The following TMEM178A variants were observed in gnomAD, a reference collection of about 807,000 sequenced individuals.
The protein encoded by TMEM178A is transmembrane protein 178A, also known as transmembrane protein 178.
In TMEM178A, 12 loss-of-function variants were observed where a neutral mutation model predicts 29.1. The observed-to-expected ratio is 0.41, with a 90% CI of 0.26 to 0.67. TMEM178A has a LOEUF of 0.67. Among genes scored for constraint, TMEM178A ranks in the 30% least tolerant of loss-of-function variants. The pLI, the probability that TMEM178A is intolerant of heterozygous loss-of-function variation, is 0.29. For synonymous variants in TMEM178A, 210 were observed against 187.2 expected, an observed-to-expected ratio of 1.12 and a Z score of -0.99; for missense variants, 366 against 419.1, an observed-to-expected ratio of 0.87 and a Z score of 1.11.
chr2:39,675,275 A>G (rs773607735), intron 1 of TMEM178A, among the ~76,000 whole-genome samples: 1 of 152,156 alleles, frequency 6.6e-6, no homozygotes, highest in Non-Finnish European at 1.5e-5. Context: ...CAGTCCCCCA[A>G]AGTCATCTCT....
downstream of TMEM178A, among the ~76,000 whole-genome samples, chr2:39,719,245 T>C (rs1672653956): frequency 2.6e-5 from 4 of 152,222 alleles, no homozygotes; most frequent in South Asian, 8.3e-4. Context: ...AAGATCCCCA[T>C]AGAAGATGTC....
chr2:39,682,000 A>G (rs1480920994), intron 1 of TMEM178A, among the ~76,000 whole-genome samples: 1 of 152,212 alleles, frequency 6.6e-6, no homozygotes, highest in Admixed American at 6.5e-5. Context: ...CCTGTGGGAC[A>G]TTGGCAAGTC....
chr2:39,735,422 C>A, the TMEM178A span, among the ~76,000 whole-genome samples: 2 of 152,178 alleles, frequency 1.3e-5, no homozygotes, highest in African/African-American at 4.8e-5. Context: ...AAGCAGATAG[C>A]CCGCCTCATA....
chr2:39,681,978 C>G (rs1558447444), intron 1 of TMEM178A, among the ~76,000 whole-genome samples: 1 of 152,212 alleles, frequency 6.6e-6, no homozygotes. Context: ...CTGGCCTTGG[C>G]TCTTCCTGCT....
intron 1 of TMEM178A, among the ~76,000 whole-genome samples, chr2:39,690,928 T>G (rs1671290000): frequency 6.6e-6 from 1 of 152,186 alleles, no homozygotes; most frequent in Non-Finnish European, 1.5e-5. Flanking sequence ...CAGAAGATAC[T>G]GTGCTAAAGT....
intron 1 of TMEM178A, among the ~76,000 whole-genome samples, chr2:39,680,389 T>C (rs1427686870): frequency 5.9e-5 from 9 of 152,224 alleles, no homozygotes; most frequent in Admixed American, 4.6e-4. Flanking sequence ...GAGCTTTTCT[T>C]TGCTCTTTTG....
chr2:39,714,262 G>C (rs896400339), intron 3 of TMEM178A, among the ~76,000 whole-genome samples: 1 of 152,028 alleles, frequency 6.6e-6, no homozygotes, highest in African/African-American at 2.4e-5. Flanking sequence ...TTTTTGGGCT[G>C]ATAGGCCTCC....
chr2:39,723,712 C>T, the TMEM178A span, among the ~76,000 whole-genome samples: 1 of 152,078 alleles, frequency 6.6e-6, no homozygotes, highest in African/African-American at 2.4e-5. Context: ...GTAGAGAAGC[C>T]AAGGCTCACA....
At chr2:39,683,965 C>T (rs910890691) in intron 1 of TMEM178A, among the ~76,000 whole-genome samples, 7 of 152,158 alleles carry the variant, frequency 4.6e-5, no homozygotes, top group Non-Finnish European at 7.3e-5. Context: ...TGGGCTGTTC[C>T]TAATTATTTG....
the TMEM178A span, among the ~76,000 whole-genome samples, chr2:39,732,976 C>T: frequency 5.3e-3 from 807 of 152,264 alleles, 10 homozygotes; most frequent in African/African-American, 0.018. Flanking sequence ...TTGTTTATTT[C>T]GGTAAGAAGG....
chr2:39,731,224 G>A, the TMEM178A span, among the ~76,000 whole-genome samples: 1 of 152,184 alleles, frequency 6.6e-6, no homozygotes, highest in African/African-American at 2.4e-5. Context: ...ACAAATTATT[G>A]CCCTCTTCAC....
At chr2:39,692,360 G>A (rs1206761266) in intron 1 of TMEM178A, among the ~76,000 whole-genome samples, 1 of 152,206 alleles carries the variant, frequency 6.6e-6, no homozygotes, top group African/African-American at 2.4e-5. Flanking sequence ...TATGTGGTGT[G>A]ATGGATATAT....
At chr2:39,725,206 G>T in the TMEM178A span, among the ~76,000 whole-genome samples, 1 of 152,130 alleles carries the variant, frequency 6.6e-6, no homozygotes, top group African/African-American at 2.4e-5. Context: ...CGGGTGAGTG[G>T]CCCTCAGAAC....
intron 1 of TMEM178A, among the ~76,000 whole-genome samples, chr2:39,694,903 A>G (rs1671472179): frequency 6.6e-6 from 1 of 152,206 alleles, no homozygotes; most frequent in Admixed American, 6.5e-5. Flanking sequence ...AGACCTGATG[A>G]AAGGTTTGTC....
the TMEM178A span, among the ~76,000 whole-genome samples, chr2:39,724,809 C>T: frequency 6.6e-6 from 1 of 152,122 alleles, no homozygotes; most frequent in Non-Finnish European, 1.5e-5. Flanking sequence ...GTTCACCTCC[C>T]CAGCAAAAAA....
At chr2:39,720,604 C>T (rs1672684129), downstream of TMEM178A, among the ~76,000 whole-genome samples, 1 of 152,228 alleles carries the variant, frequency 6.6e-6, no homozygotes, top group Non-Finnish European at 1.5e-5. Flanking sequence ...AATTGCCTGG[C>T]AACCCATAAC....
chr2:39,702,674 T>G (rs1385580605), intron 1 of TMEM178A, among the ~76,000 whole-genome samples: 1 of 124,522 alleles, frequency 8.0e-6, no homozygotes, highest in Non-Finnish European at 1.8e-5. Context: ...AAAAACAAAT[T>G]AAAAAAAAAA....
chr2:39,732,991 C>T, the TMEM178A span, among the ~76,000 whole-genome samples: 2 of 152,140 alleles, frequency 1.3e-5, no homozygotes, highest in African/African-American at 2.4e-5. Context: ...AGAAGGGGAA[C>T]CTAAGGAGTG....
At chr2:39,666,401 C>T (rs1363722398) in intron 1 of TMEM178A, 27 bp downstream of exon 1, 1 of 1,315,410 alleles carries the variant, frequency 7.6e-7, no homozygotes, top group Non-Finnish European at 9.7e-7. Context: ...CCCCGCGTCC[C>T]CGGCGCCCGC....
Sources: allele counts gnomAD v4.1 joint callset (sites outside exome capture counted in the v4.1 genomes callset), GRCh38; gene constraint gnomAD v4.1.1; transcripts MANE v1.5; gene names NCBI Gene and HGNC (gene_info 2026-07-23, HGNC 2026-07-21).